TBC1D19: variants seen among roughly 807,000 people sequenced by gnomAD.
The protein encoded by TBC1D19 is TBC1 domain family member 19.
TBC1D19 carries 60 observed loss-of-function variants against 89.0 expected under a neutral mutation model. The observed-to-expected ratio is 0.67, with a 90% confidence interval of 0.55 to 0.84. The LOEUF is 0.84. Ranked by LOEUF, TBC1D19 falls within the 40% of genes least tolerant of loss-of-function variation. The probability of loss-of-function intolerance (pLI) is 0.00; values close to 1 mark genes in which losing one functional copy is unlikely to be tolerated. For synonymous variants in TBC1D19, 189 were observed against 199.7 expected, an observed-to-expected ratio of 0.95 and a Z score of 0.45; for missense variants, 500 against 610.8, an observed-to-expected ratio of 0.82 and a Z score of 1.91.
chr4:26,777,859 T>C, the TBC1D19 span, among the ~76,000 whole-genome samples: 1 of 151,938 alleles, frequency 6.6e-6, no homozygotes, highest in African/African-American at 2.4e-5. Context: ...GGTGTGAGGA[T>C]TGTTGGAGCC....
At chr4:26,821,644 G>A in the TBC1D19 span, among the ~76,000 whole-genome samples, 2 of 152,218 alleles carry the variant, frequency 1.3e-5, no homozygotes, top group Non-Finnish European at 2.9e-5. Context: ...ACTGGAGAAA[G>A]GTCTCCCTGC....
At chr4:26,620,825 G>A (rs1458161999) in intron 4 of TBC1D19, 137 bp downstream of exon 4, 4 of 693,348 alleles carry the variant, frequency 5.8e-6, no homozygotes, top group Admixed American at 6.4e-5. Context: ...TATGTTAATA[G>A]TATTTGTATA....
At chr4:26,604,775 G>A (rs1577785902) in intron 1 of TBC1D19, among the ~76,000 whole-genome samples, 1 of 151,850 alleles carries the variant, frequency 6.6e-6, no homozygotes, top group Admixed American at 6.6e-5. Context: ...TAGCTACTCG[G>A]GAGGCTGAGG....
Position 26,754,106 on chromosome 4 carries a change from A to G in TBC1D19, c.1506+216A>G, listed in dbSNP as rs560050267. On this transcript the variant is annotated intron_variant, in intron 20 of 20. Transcript: ENST00000264866. ...TTATGAAGGAGTAATAAACAAGATT[A>G]TTATAGGAAACCATTATAACCATAT... 261 of 500,844 alleles carry G rather than the reference A, an allele frequency of 5.2e-4. 1 individual carries two copies. The highest frequency in any genetic ancestry group is 7.1e-4 in the Non-Finnish European group (196 of 276,442). 31.0% of individuals were successfully genotyped at this position (500,844 alleles called of 1,614,324 possible). A position where few individuals can be genotyped will look rare whatever the true frequency, so the allele number is the denominator to read the frequency against.
chr4:26,731,771 G>A (rs1717676276), intron 15 of TBC1D19, among the ~76,000 whole-genome samples: 1 of 152,044 alleles, frequency 6.6e-6, no homozygotes, highest in African/African-American at 2.4e-5. Flanking sequence ...CAATGCCGTG[G>A]TAGACTCAAG....
At chr4:26,837,623 T>C in the TBC1D19 span, among the ~76,000 whole-genome samples, 2 of 152,214 alleles carry the variant, frequency 1.3e-5, no homozygotes, top group Non-Finnish European at 2.9e-5. Flanking sequence ...TCACTAGTCA[T>C]TGATATTGAT....
intron 13 of TBC1D19, among the ~76,000 whole-genome samples, chr4:26,709,498 T>A (rs1202484919): frequency 6.6e-6 from 1 of 152,068 alleles, no homozygotes; most frequent in Non-Finnish European, 1.5e-5. Flanking sequence ...ACCTCTCTGG[T>A]CAGAAGAAGC....
chr4:26,828,571 C>A, the TBC1D19 span, among the ~76,000 whole-genome samples: 1 of 152,240 alleles, frequency 6.6e-6, no homozygotes, highest in African/African-American at 2.4e-5. Flanking sequence ...AATCTATGCA[C>A]GTCCAAGTAT....
chr4:26,664,465 CT>C (rs920998415), intron 8 of TBC1D19, among the ~76,000 whole-genome samples: 1 of 151,970 alleles, frequency 6.6e-6, no homozygotes. Flanking sequence ...GTATAAGTCC[CT>C]TTTGCAGTAT....
chr4:26,612,618 T>C (rs1741451246), intron 1 of TBC1D19, among the ~76,000 whole-genome samples: 1 of 152,018 alleles, frequency 6.6e-6, no homozygotes, highest in African/African-American at 2.4e-5. Flanking sequence ...AAAATTACAG[T>C]GTGAAAAACC....
chr4:26,584,478 A>T (rs529486273), intron 1 of TBC1D19, among the ~76,000 whole-genome samples, 186 bp downstream of exon 1: 1 of 151,736 alleles, frequency 6.6e-6, no homozygotes, highest in East Asian at 1.9e-4. Flanking sequence ...AAAAAACCCC[A>T]CCTCCCTGTC....
At chr4:26,694,587 A>G (rs1218116414) in intron 13 of TBC1D19, among the ~76,000 whole-genome samples, 2 of 152,176 alleles carry the variant, frequency 1.3e-5, no homozygotes, top group Non-Finnish European at 2.9e-5. Context: ...GAACAGACAG[A>G]CGGCCTCCTC....
intron 7 of TBC1D19, among the ~76,000 whole-genome samples, chr4:26,655,967 G>T (rs572199583): frequency 2.0e-5 from 3 of 152,106 alleles, no homozygotes; most frequent in East Asian, 1.9e-4. Context: ...CGTCGCTCAC[G>T]CTGGGAGCTG....
chr4:26,760,083 G>A (rs1222162865), downstream of TBC1D19, among the ~76,000 whole-genome samples: 1 of 152,178 alleles, frequency 6.6e-6, no homozygotes, highest in African/African-American at 2.4e-5. Flanking sequence ...AACAGTATAT[G>A]AGTTCCAGTG....
At chr4:26,650,851 C>A (rs990996797) in intron 7 of TBC1D19, among the ~76,000 whole-genome samples, 8 of 152,014 alleles carry the variant, frequency 5.3e-5, no homozygotes, top group African/African-American at 1.4e-4. Flanking sequence ...TTTTAGGTCT[C>A]ACATTTAAGT....
At chr4:26,811,227 C>T in the TBC1D19 span, among the ~76,000 whole-genome samples, 3 of 152,194 alleles carry the variant, frequency 2.0e-5, no homozygotes, top group Non-Finnish European at 2.9e-5. Flanking sequence ...AAGCTGGAAG[C>T]CATCATTCTC....
chr4:26,584,244 A>G lies in TBC1D19; in HGVS notation c.51A>G (p.Gln17=). The change falls in exon 1 of 21, where the codon CAA becomes CAG. Residue 17 remains glutamine, a synonymous_variant. Coordinates refer to ENST00000264866, the MANE Select transcript of TBC1D19 (RefSeq NM_018317.4). ...CTCTCATTATTGCCCAGATAGTCCAAAAGCTCAAGGGCTCCAATTTGTACT... is the reference window on the plus strand; with the variant it reads ...CTCTCATTATTGCCCAGATAGTCCAGAAGCTCAAGGGCTCCAATTTGTACT... ...DLSLIIAQIV[Q]KLKGSNLYSQ... 1 of 1,613,058 alleles carries G rather than the reference A, an allele frequency of 6.2e-7. No homozygotes were observed. Among genetic ancestry groups the G allele is most frequent in the East Asian group, 2.2e-5 (1 of 44,846 alleles).
the TBC1D19 span, among the ~76,000 whole-genome samples, chr4:26,842,351 T>C: frequency 9.0e-4 from 126 of 140,178 alleles, no homozygotes; most frequent in South Asian, 4.4e-3. Context: ...TTTTTTTTTT[T>C]TTTTTTTTTT....
chr4:26,734,511 T>C (rs1248386956), intron 15 of TBC1D19, among the ~76,000 whole-genome samples: 1 of 152,194 alleles, frequency 6.6e-6, no homozygotes, highest in East Asian at 1.9e-4. Context: ...AGACGATGTT[T>C]AGCACACCAA....
Sources: allele counts gnomAD v4.1 joint callset (sites outside exome capture counted in the v4.1 genomes callset), GRCh38; gene constraint gnomAD v4.1.1; transcripts MANE v1.5; gene names NCBI Gene and HGNC (gene_info 2026-07-23, HGNC 2026-07-21).